The following PTPRD variants were observed in gnomAD, a reference collection of about 807,000 sequenced individuals.
The protein encoded by PTPRD is receptor-type tyrosine-protein phosphatase delta.
A neutral mutation model predicts 214.5 loss-of-function variants in PTPRD; 34 were observed. The ratio of observed to expected loss-of-function variants is 0.16; its 90% confidence interval spans 0.12 to 0.21. The LOEUF (loss-of-function observed/expected upper bound fraction) is 0.21. PTPRD is among the 10% of genes least tolerant of loss of function. The pLI is 1.00. For missense variants in PTPRD, 2,545 were observed against 2,398.7 expected (o/e 1.06, Z -1.27); for synonymous variants, 1,128 against 845.7 (o/e 1.33, Z -5.79).
intron 9 of PTPRD, among the ~76,000 whole-genome samples, chr9:9,316,088 G>C (rs975590947): frequency 5.3e-5 from 8 of 151,698 alleles, no homozygotes; most frequent in Non-Finnish European, 1.2e-4. Flanking sequence ...TCTACATATT[G>C]ACAGTCAATT....
At chr9:9,577,824 T>C (rs2154308060) in intron 7 of PTPRD, among the ~76,000 whole-genome samples, 1 of 152,010 alleles carries the variant, frequency 6.6e-6, no homozygotes, top group African/African-American at 2.4e-5. Context: ...GGCGGGTGGA[T>C]CACCTGAGGT....
intron 3 of PTPRD, among the ~76,000 whole-genome samples, chr9:10,244,054 C>T (rs1182328684): frequency 6.6e-6 from 1 of 151,886 alleles, no homozygotes; most frequent in Admixed American, 6.6e-5. Context: ...ACGTAAAGTG[C>T]ATAGAATGAG....
intron 3 of PTPRD, among the ~76,000 whole-genome samples, chr9:10,077,442 G>A (rs975490977): frequency 6.6e-6 from 1 of 152,096 alleles, no homozygotes; most frequent in Non-Finnish European, 1.5e-5. Flanking sequence ...TAAAATTAGA[G>A]CTAGATTAGG....
chr9:8,513,319 C>T (rs1290007793), intron 21 of PTPRD, among the ~76,000 whole-genome samples: 4 of 151,934 alleles, frequency 2.6e-5, no homozygotes, highest in African/African-American at 7.2e-5. Context: ...ACCAGAAATA[C>T]ACAAATTTAC....
chr9:9,281,471 G>C (rs1161908423), intron 9 of PTPRD, among the ~76,000 whole-genome samples: 1 of 151,242 alleles, frequency 6.6e-6, no homozygotes, highest in Non-Finnish European at 1.5e-5. Flanking sequence ...AAGACATGAA[G>C]ATAGCTAATA....
chr9:8,526,693 G>C, intron 16 of PTPRD, 49 bp from the exon 17 acceptor site: 1 of 1,509,512 alleles, frequency 6.6e-7, no homozygotes, highest in South Asian at 1.3e-5. Flanking sequence ...AGAAGCATTA[G>C]TACGAGAAGA....
At chr9:8,796,876 TAATTA>T (rs2096442242) in intron 11 of PTPRD, among the ~76,000 whole-genome samples, 1 of 152,138 alleles carries the variant, frequency 6.6e-6, no homozygotes, top group Non-Finnish European at 1.5e-5. Context: ...GCTTTCTAAA[TAATTA>T]AATATAAAAT....
At chr9:8,421,008 A>G (rs753112403) in intron 35 of PTPRD, among the ~76,000 whole-genome samples, 3 of 152,110 alleles carry the variant, frequency 2.0e-5, no homozygotes, top group Non-Finnish European at 2.9e-5. Context: ...GGAAAGCCAA[A>G]GGTGAATTCT....
intron 2 of PTPRD, among the ~76,000 whole-genome samples, chr9:10,592,614 C>A (rs1759970515): frequency 6.6e-6 from 1 of 151,900 alleles, no homozygotes; most frequent in African/African-American, 2.4e-5. Flanking sequence ...GAGAACTTTT[C>A]TGTCTTACAA....
At chr9:9,109,112 T>C (rs541921689) in intron 10 of PTPRD, among the ~76,000 whole-genome samples, 5 of 152,210 alleles carry the variant, frequency 3.3e-5, no homozygotes, top group Non-Finnish European at 5.9e-5. Flanking sequence ...CAATAAACCA[T>C]GAGGGAAGAA....
At chr9:9,887,218 G>C (rs578223310) in intron 5 of PTPRD, among the ~76,000 whole-genome samples, 4 of 152,000 alleles carry the variant, frequency 2.6e-5, no homozygotes, top group African/African-American at 7.2e-5. Context: ...AGAATTGTTT[G>C]TTCACTTCAC....
At chr9:10,547,726 T>C (rs1393531547) in intron 2 of PTPRD, among the ~76,000 whole-genome samples, 5 of 151,936 alleles carry the variant, frequency 3.3e-5, no homozygotes, top group African/African-American at 9.7e-5. Flanking sequence ...AGTGTACATA[T>C]AGCAACACTT....
At chr9:9,482,768 G>C (rs1024423210) in intron 8 of PTPRD, among the ~76,000 whole-genome samples, 2 of 152,164 alleles carry the variant, frequency 1.3e-5, no homozygotes, top group African/African-American at 4.8e-5. Flanking sequence ...AGGCTATGAA[G>C]AGACAATTAA....
intron 11 of PTPRD, among the ~76,000 whole-genome samples, chr9:8,849,300 C>G (rs896185083): frequency 6.6e-6 from 1 of 151,760 alleles, no homozygotes; most frequent in East Asian, 1.9e-4. Flanking sequence ...CTCAGTCTCC[C>G]GAGTAGCTGG....
At chr9:10,308,649 G>A (rs1356814006) in intron 3 of PTPRD, among the ~76,000 whole-genome samples, 1 of 151,992 alleles carries the variant, frequency 6.6e-6, no homozygotes, top group African/African-American at 2.4e-5. Flanking sequence ...ATTATTTTGG[G>A]AGGTATAGTC....
intron 11 of PTPRD, among the ~76,000 whole-genome samples, chr9:8,819,748 T>A (rs1396558589): frequency 6.6e-6 from 1 of 150,380 alleles, no homozygotes; most frequent in Non-Finnish European, 1.5e-5. Context: ...GGGAGATTGT[T>A]AGTTAAAGTC....
chr9:10,566,333 G>C (rs988064261), intron 2 of PTPRD, among the ~76,000 whole-genome samples: 1 of 151,824 alleles, frequency 6.6e-6, no homozygotes, highest in African/African-American at 2.4e-5. Flanking sequence ...CTTTTCTATA[G>C]AATGTCTTAG....
intron 2 of PTPRD, among the ~76,000 whole-genome samples, chr9:10,463,277 T>A (rs1450490637): frequency 6.6e-6 from 1 of 152,082 alleles, no homozygotes; most frequent in Non-Finnish European, 1.5e-5. Flanking sequence ...TGAGAAGTGA[T>A]TGGGAGAACT....
At chr9:8,893,596 T>C (rs1171593765) in intron 11 of PTPRD, among the ~76,000 whole-genome samples, 1 of 152,178 alleles carries the variant, frequency 6.6e-6, no homozygotes, top group Non-Finnish European at 1.5e-5. Context: ...TATGGCTTTT[T>C]GCTACACCTG....
Sources: gnomAD v4.1 joint callset for allele counts (sites outside exome capture counted in the v4.1 genomes callset) on GRCh38, gnomAD v4.1.1 for gene constraint, MANE v1.5 for transcripts, NCBI Gene and HGNC (gene_info 2026-07-23, HGNC 2026-07-21) for gene names.